TTF2: variants seen among roughly 807,000 people sequenced by gnomAD.
TTF2 encodes transcription termination factor 2.
In TTF2, 108 loss-of-function variants were observed where a neutral mutation model predicts 142.4. The ratio of observed to expected loss-of-function variants is 0.76; its 90% CI spans 0.65 to 0.89. TTF2 has a LOEUF of 0.89. TTF2 is among the 40% of genes least tolerant of loss of function. The pLI is 0.00. For synonymous variants in TTF2, 483 were observed against 506.2 expected (o/e 0.95, Z 0.61); for missense variants, 1,327 against 1,379.8 (o/e 0.96, Z 0.61).
chr1:117,096,120 G>T (rs1371903409), intron 19 of TTF2, 29 bp from the exon 20 acceptor site: 2 of 1,612,748 alleles, frequency 1.2e-6, no homozygotes, highest in African/African-American at 2.7e-5. Context: ...CTATGTTAGG[G>T]TATTTTTTTA....
At chr1:117,078,516 A>T (rs1357843167) in intron 8 of TTF2, among the ~76,000 whole-genome samples, 1 of 152,254 alleles carries the variant, frequency 6.6e-6, no homozygotes, top group African/African-American at 2.4e-5. Context: ...GCCTTTAGAT[A>T]GCAGAGAGGA....
rs533621541 is a variant in TTF2, at chr1:117,086,263, G to A, written c.2055-154G>A. 1.4e-4 allele frequency among the ~76,000 whole-genome samples: 22 copies of A among 152,002 alleles called. No individual in the cohort carries two copies. The highest frequency in any genetic ancestry group is 1.0e-3 in the South Asian group (5 of 4,814). On this transcript the variant is annotated intron_variant, in intron 11 of 22. Coordinates refer to ENST00000369466, the MANE Select transcript of TTF2 (RefSeq NM_003594.4). The surrounding 1 kb of genome is among the most constrained non-coding windows in gnomAD (Gnocchi z 4.2). ...ACCTCCAAAATGTGTGTGTGTGTGT[G>A]TGTGTGTGCGTGTGTGTGTTAAGGA...
intron 13 of TTF2, among the ~76,000 whole-genome samples, chr1:117,089,255 A>G (rs1007826634): frequency 1.6e-5 from 1 of 62,614 alleles, no homozygotes; most frequent in Non-Finnish European, 3.9e-5. Context: ...ATATGCAAAT[A>G]TATGCTATAT....
At position 117,075,436 on chromosome 1, in the gene TTF2, G is replaced by C. The variant is rs1557809316; in HGVS notation, c.852G>C (p.Glu284Asp). 1 of 1,614,038 alleles carries C rather than the reference G, an allele frequency of 6.2e-7. No homozygotes were observed. The highest frequency in any genetic ancestry group is 1.3e-5 in the African/African-American group (1 of 74,934). Residue 284 changes from glutamate to aspartate, a missense_variant, in exon 5 of 23, where the codon GAG becomes GAC. Coordinates refer to ENST00000369466, the MANE Select transcript of TTF2 (RefSeq NM_003594.4). This position sits in a 1 kb window ranked among gnomAD's most constrained non-coding sequence, Gnocchi z 4.5. ...KPQKGGPLNK[E>D]YTNWEAKETK... ...AGAAAGGGGGACCCCTCAACAAGGA[G>C]TACACGAACTGGGAGGCTAAAGAAA...
intron 3 of TTF2, 76 bp downstream of exon 3, chr1:117,062,549 T>A: frequency 7.3e-7 from 1 of 1,379,068 alleles, no homozygotes; most frequent in Non-Finnish European, 9.9e-7. Flanking sequence ...TAGCCAGGTA[T>A]GTATTAGGAT....
Position 117,098,826 on chromosome 1 carries a change from C to T in TTF2, c.3270-7C>T. 1.9e-6 allele frequency: 3 copies of T among 1,610,716 alleles called. No homozygotes were observed. The highest frequency in any genetic ancestry group is 2.5e-6 in the Non-Finnish European group (3 of 1,178,980). ...AGTTCCTTTGAGCTTTAGCTGTCTT[C>T]TAACAGGAATCCATCACTTGAAGAT... On this transcript the variant is annotated splice_region_variant and splice_polypyrimidine_tract_variant and intron_variant, in intron 21 of 22. Transcript: ENST00000369466.
At position 117,073,842 on chromosome 1, in the gene TTF2, C is replaced by T. The variant is rs555821865; in HGVS notation, c.285+115C>T. On this transcript the variant is annotated intron_variant, in intron 4 of 22. Coordinates refer to ENST00000369466, the MANE Select transcript of TTF2 (RefSeq NM_003594.4). The surrounding 1 kb of genome is among the most constrained non-coding windows in gnomAD (Gnocchi z 4.4). Reference sequence around the variant, plus strand: ...GAGTTGGTCTTCATCAGACTGTCTCCGAAAGATAGTTTTCTTTAAGCAAGG... The same window carrying T: ...GAGTTGGTCTTCATCAGACTGTCTCTGAAAGATAGTTTTCTTTAAGCAAGG... 35 of 911,514 alleles carry T rather than the reference C, an allele frequency of 3.8e-5. No individual in the cohort carries two copies. Among genetic ancestry groups the T allele is most frequent in the East Asian group, 2.8e-4 (10 of 35,990 alleles). 56.5% of individuals were successfully genotyped at this position (911,514 alleles called of 1,614,324 possible).
In TTF2 at chr1:117,097,478, A is replaced by G; in HGVS notation, c.3269+45A>G. 6.3e-7 allele frequency: 1 copy of G among 1,577,910 alleles called. No individual in the cohort carries two copies. The highest frequency in any genetic ancestry group is 2.2e-5 in the East Asian group (1 of 44,724). On this transcript the variant is annotated intron_variant, in intron 21 of 22. Coordinates refer to ENST00000369466, the MANE Select transcript of TTF2 (RefSeq NM_003594.4). This position sits in a 1 kb window ranked among gnomAD's most constrained non-coding sequence, Gnocchi z 4.1. ...CCTGGGTTGTCACAGCACATCAAGG[A>G]GGCCAGTGGGCTACAGGGGCAGCAA...
At chr1:117,060,705 C>A in intron 2 of TTF2, 148 bp downstream of exon 2, 1 of 683,628 alleles carries the variant, frequency 1.5e-6, no homozygotes, top group Non-Finnish European at 2.2e-6. Context: ...TTGGTGATCC[C>A]AGGGCAGCGT....
chr1:117,064,074 C>A (rs1655893137), intron 3 of TTF2, among the ~76,000 whole-genome samples: 1 of 152,124 alleles, frequency 6.6e-6, no homozygotes, highest in Non-Finnish European at 1.5e-5. Context: ...TTTGTCATTG[C>A]ACAATTGTTA....
rs553517608 is a variant in TTF2 at position 117,102,964 on chromosome 1, A to T, written c.*1440A>T. On this transcript the variant is annotated 3_prime_UTR_variant, in exon 23 of 23. Transcript: ENST00000369466. ...TTTTTGCTGCAGTTTGACGGGGTCC[A>T]TATCAATGGACTGTGGAGAGAAGCG... 63 of 152,354 alleles carry T rather than the reference A, an allele frequency of 4.1e-4. No individual in the cohort carries two copies. Among genetic ancestry groups the T allele is most frequent in the African/African-American group, 1.4e-3 (60 of 41,586 alleles). The allele number at this position is 152,354 out of a possible 1,614,324, so 9.4% of individuals were successfully genotyped here.
chr1:117,074,778 T>C, intron 4 of TTF2, 92 bp from the exon 5 acceptor site: 3 of 1,217,784 alleles, frequency 2.5e-6, no homozygotes, highest in Non-Finnish European at 3.4e-6. Context: ...ACCCCCTGTA[T>C]ATAAAATAAA....
At position 117,090,761 on chromosome 1, in the gene TTF2, T is replaced by TA. The variant is rs1209917693; in HGVS notation, c.2588+139dup. The TA allele has an allele frequency of 1.6e-5, 12 of 742,568 alleles. No homozygotes were observed. In the Admixed American group the frequency reaches 1.8e-4, roughly 11 times the overall value. The allele number at this position is 742,568 out of a possible 1,614,324, so 46.0% of individuals were successfully genotyped here. On this transcript the variant is annotated intron_variant, in intron 15 of 22. Transcript: ENST00000369466. The surrounding 1 kb of genome is among the most constrained non-coding windows in gnomAD (Gnocchi z 4.8). ...GATGTCTGTATTCCCTTTTTTTTTT[T>TA]ACCCCATTTTTCTCCTTCTCCCCTC...
Position 117,099,047 on chromosome 1 carries a change from G to A in TTF2, c.3344+140G>A, listed in dbSNP as rs1219116883. 7 of 696,236 alleles carry A rather than the reference G, an allele frequency of 1.0e-5. No homozygotes were observed. In the Admixed American group the frequency reaches 1.5e-4, roughly 15 times the overall value. The allele number at this position is 696,236 out of a possible 1,614,324, so 43.1% of individuals were successfully genotyped here. ...TGATGCCCCTGAGGCATACCTTCAG[G>A]CAAACCACAGTCAGGAGAAAAACGA... On this transcript the variant is annotated intron_variant, in intron 22 of 22. Transcript: ENST00000369466. This position sits in a 1 kb window ranked among gnomAD's most constrained non-coding sequence, Gnocchi z 4.3.
Position 117,073,620 on chromosome 1 carries a change from A to G in TTF2, c.219-41A>G. 1 of 1,560,262 alleles carries G rather than the reference A, an allele frequency of 6.4e-7. No individual in the cohort carries two copies. The highest frequency in any genetic ancestry group is 8.8e-7 in the Non-Finnish European group (1 of 1,140,364). On this transcript the variant is annotated intron_variant, in intron 3 of 22. Transcript: ENST00000369466. The surrounding 1 kb of genome is among the most constrained non-coding windows in gnomAD (Gnocchi z 4.4). ...ATAAGCTTATCTCTTGTTCTAATGG[A>G]TTTTCATAGCCTTGATTATTTGTGT...
rs758331681 is a variant in TTF2 at position 117,084,066 on chromosome 1, C to G, written c.1952C>G (p.Ser651Cys). ...SHGTLIICPA[S>C]LIHHWKNEVE... ...GGAACACTAATCATCTGTCCTGCCT[C>G]CCTGATCCATCATTGGAAAAATGAG... Residue 651 changes from serine to cysteine, a missense_variant, in exon 11 of 23, where the codon TCC (serine) becomes TGC (cysteine). Transcript: ENST00000369466. The G allele has an allele frequency of 6.2e-7, 1 of 1,614,214 alleles. No individual in the cohort carries two copies. The highest frequency in any genetic ancestry group is 1.1e-5 in the South Asian group (1 of 91,088).
At position 117,105,390 on chromosome 1, in the gene TTF2, C is replaced by CA. The variant is rs1479721985; in HGVS notation, c.*3867dup. The CA allele has an allele frequency of 6.6e-6, 1 of 152,246 alleles. No individual in the cohort carries two copies. The highest frequency in any genetic ancestry group is 2.4e-5 in the African/African-American group (1 of 41,434). The allele number at this position is 152,246 out of a possible 1,614,324, so 9.4% of individuals were successfully genotyped here. A position where few individuals can be genotyped will look rare whatever the true frequency, so the allele number is the denominator to read the frequency against. On this transcript the variant is annotated 3_prime_UTR_variant, in exon 23 of 23. Coordinates refer to ENST00000369466, the MANE Select transcript of TTF2 (RefSeq NM_003594.4). This position sits in a 1 kb window ranked among gnomAD's most constrained non-coding sequence, Gnocchi z 4.7. ...GAGTATTGTGCATGCCGCAGCTAGACAGAGTCCTGGGCCCTTTAAAAACCT... is the reference window on the plus strand; with the variant it reads ...GAGTATTGTGCATGCCGCAGCTAGACAAGAGTCCTGGGCCCTTTAAAAACCT...
chr1:117,094,281 A>C (rs923097245), intron 18 of TTF2, among the ~76,000 whole-genome samples: 1 of 152,204 alleles, frequency 6.6e-6, no homozygotes, highest in Admixed American at 6.5e-5. Flanking sequence ...AAAGTGGTCC[A>C]GCCATATGAG....
intron 19 of TTF2, 63 bp downstream of exon 19, chr1:117,095,430 C>T (rs1570880176): frequency 3.3e-6 from 5 of 1,494,770 alleles, no homozygotes; most frequent in Non-Finnish European, 3.7e-6. Flanking sequence ...TTGATATTGC[C>T]AAGAGTTATA....
Sources: allele counts gnomAD v4.1 joint callset (sites outside exome capture counted in the v4.1 genomes callset), GRCh38; gene constraint gnomAD v4.1.1; non-coding constraint Gnocchi (gnomAD v3.1); transcripts MANE v1.5; gene names NCBI Gene and HGNC (gene_info 2026-07-23, HGNC 2026-07-21).